PPP1R1C: variants seen among roughly 807,000 people sequenced by gnomAD.
PPP1R1C encodes protein phosphatase 1 regulatory inhibitor subunit 1C.
PPP1R1C carries 15 observed loss-of-function variants against 17.4 expected under a neutral mutation model. The ratio of observed to expected loss-of-function variants is 0.86; its 90% CI spans 0.58 to 1.33. The LOEUF is 1.33. Among genes scored for constraint, PPP1R1C ranks in the 40% most tolerant of loss-of-function variants. The pLI is 0.00. For synonymous variants in PPP1R1C, 35 were observed against 43.1 expected (o/e 0.81, Z 0.73); for missense variants, 143 against 130.0 (o/e 1.10, Z -0.48).
chr2:182,058,708 T>C (rs372809210), intron 2 of PPP1R1C, among the ~76,000 whole-genome samples: 2 of 152,196 alleles, frequency 1.3e-5, no homozygotes, highest in East Asian at 1.9e-4. Context: ...GACAGACAAA[T>C]GGAAGAAACA....
At chr2:181,972,218 A>G (rs1207151791) in intron 1 of PPP1R1C, among the ~76,000 whole-genome samples, 2 of 152,220 alleles carry the variant, frequency 1.3e-5, no homozygotes, top group Non-Finnish European at 2.9e-5. Context: ...AAAGAAAGTC[A>G]TTTTTAGATA....
At chr2:182,124,774 A>G (rs1229728992) in intron 5 of PPP1R1C, among the ~76,000 whole-genome samples, 1 of 152,170 alleles carries the variant, frequency 6.6e-6, no homozygotes, top group Non-Finnish European at 1.5e-5. Context: ...GAAGTTGCTT[A>G]TCAGCTGAAA....
chr2:182,095,065 C>T (rs910564370), intron 4 of PPP1R1C, among the ~76,000 whole-genome samples: 19 of 151,922 alleles, frequency 1.3e-4, no homozygotes, highest in Admixed American at 2.0e-4. Flanking sequence ...CCGAGGCAGG[C>T]GGATCATGAG....
downstream of PPP1R1C, among the ~76,000 whole-genome samples, chr2:182,121,444 T>C (rs77148250): frequency 0.033 from 5,024 of 152,208 alleles, 230 homozygotes; most frequent in Admixed American, 0.13. Context: ...TTCAACATCA[T>C]GAACAAGTGA....
intron 4 of PPP1R1C, among the ~76,000 whole-genome samples, chr2:182,104,171 C>T (rs80185526): frequency 0.027 from 4,137 of 152,258 alleles, 175 homozygotes; most frequent in African/African-American, 0.095. Flanking sequence ...TAACTTCTTC[C>T]TTTCTAATCT....
At chr2:182,033,450 A>C (rs1231261450) in intron 2 of PPP1R1C, among the ~76,000 whole-genome samples, 1 of 152,224 alleles carries the variant, frequency 6.6e-6, no homozygotes, top group African/African-American at 2.4e-5. Context: ...TCAATTTAAC[A>C]TGTCTAAAAG....
At chr2:182,089,752 A>T (rs1404131655) in intron 4 of PPP1R1C, among the ~76,000 whole-genome samples, 3 of 152,122 alleles carry the variant, frequency 2.0e-5, no homozygotes, top group Non-Finnish European at 4.4e-5. Context: ...ACTGTTAATT[A>T]ATCTGATTGT....
chr2:182,066,974 G>A (rs967458492), intron 4 of PPP1R1C, among the ~76,000 whole-genome samples: 1 of 150,494 alleles, frequency 6.6e-6, no homozygotes, highest in Non-Finnish European at 1.5e-5. Context: ...GTGTTTGTGT[G>A]TGTGTGTGTG....
At chr2:182,013,961 G>T (rs1686167993) in intron 2 of PPP1R1C, among the ~76,000 whole-genome samples, 1 of 152,016 alleles carries the variant, frequency 6.6e-6, no homozygotes, top group African/African-American at 2.4e-5. Context: ...GAATTTCATT[G>T]AGCTTGCTCA....
intron 2 of PPP1R1C, among the ~76,000 whole-genome samples, chr2:182,040,728 C>T (rs904842631): frequency 2.1e-4 from 32 of 152,044 alleles, no homozygotes; most frequent in African/African-American, 7.5e-4. Flanking sequence ...AATTCTTTGC[C>T]TAGGCCAATG....
At chr2:182,093,267 C>T (rs903682505) in intron 4 of PPP1R1C, among the ~76,000 whole-genome samples, 2 of 152,200 alleles carry the variant, frequency 1.3e-5, no homozygotes, top group South Asian at 4.1e-4. Context: ...CTTTCAGCCA[C>T]AGCTGGAGTA....
At chr2:182,127,708 A>G (rs7567207) in intron 5 of PPP1R1C, among the ~76,000 whole-genome samples, 46,337 of 151,938 alleles carry the variant, frequency 0.3, 8,809 homozygotes, top group African/African-American at 0.53. Flanking sequence ...TTGATGCAAC[A>G]GTGTTGGAGA....
intron 2 of PPP1R1C, among the ~76,000 whole-genome samples, chr2:182,034,030 G>A (rs1480643633): frequency 6.6e-6 from 1 of 152,146 alleles, no homozygotes; most frequent in Non-Finnish European, 1.5e-5. Context: ...GCTATAATGT[G>A]TGTCTTCTAG....
intron 2 of PPP1R1C, among the ~76,000 whole-genome samples, chr2:182,038,621 T>C (rs900443227): frequency 6.6e-5 from 10 of 152,136 alleles, no homozygotes; most frequent in African/African-American, 2.4e-4. Flanking sequence ...GAATGTAAGA[T>C]CTTGTTTTTA....
Position 181,976,687 on chromosome 2 carries a change from T to G in PPP1R1C, n.157+1423T>G, listed in dbSNP as rs954366442. 1.3e-5 allele frequency among the ~76,000 whole-genome samples: 2 copies of G among 152,180 alleles called. No individual in the cohort carries two copies. The highest frequency in any genetic ancestry group is 2.9e-5 in the Non-Finnish European group (2 of 68,028). ...GAGTATTTTAAACATCTTTCCCCTCTGGCTACCTCCTTGCAGCCCAGGACA... is the reference window on the plus strand; with the variant it reads ...GAGTATTTTAAACATCTTTCCCCTCGGGCTACCTCCTTGCAGCCCAGGACA... On this transcript the variant is annotated intron_variant and non_coding_transcript_variant, in intron 2 of 5. Transcript: ENST00000464264. The surrounding 1 kb of genome is among the most constrained non-coding windows in gnomAD (Gnocchi z 4.8).
chr2:182,122,838 G>A (rs1016733882), intron 5 of PPP1R1C, among the ~76,000 whole-genome samples: 1 of 151,990 alleles, frequency 6.6e-6, no homozygotes, highest in African/African-American at 2.4e-5. Flanking sequence ...GTTTTTTCCT[G>A]GCACTATTTA....
At chr2:181,990,435 G>A (rs973157891) in intron 2 of PPP1R1C, among the ~76,000 whole-genome samples, 23 of 152,030 alleles carry the variant, frequency 1.5e-4, no homozygotes, top group Non-Finnish European at 2.5e-4. Context: ...GAGCCACAGC[G>A]CCCGGCCTCC....
chr2:182,088,152 T>C (rs937813413), intron 4 of PPP1R1C, among the ~76,000 whole-genome samples: 41 of 152,240 alleles, frequency 2.7e-4, no homozygotes, highest in African/African-American at 9.4e-4. Context: ...CCATTTCCCA[T>C]CTGCAGACAG....
chr2:181,983,336 A>T (rs1041273445), upstream of PPP1R1C, among the ~76,000 whole-genome samples: 7 of 152,152 alleles, frequency 4.6e-5, no homozygotes, highest in African/African-American at 1.7e-4. Context: ...CCGATTACCT[A>T]ATTTTAAATT....
Sources: gnomAD v4.1 joint callset for allele counts (sites outside exome capture counted in the v4.1 genomes callset) on GRCh38, gnomAD v4.1.1 for gene constraint, Gnocchi (gnomAD v3.1) non-coding constraint, MANE v1.5 for transcripts, NCBI Gene and HGNC (gene_info 2026-07-23, HGNC 2026-07-21) for gene names.